PATJ: variants seen among roughly 807,000 people sequenced by gnomAD.
PATJ encodes PATJ crumbs cell polarity complex component.
Under a neutral mutation model 224.9 loss-of-function variants are expected in PATJ, and 190 were observed. The ratio of observed to expected loss-of-function variants is 0.84; its 90% CI spans 0.75 to 0.95. The LOEUF is 0.95. Among genes scored for constraint, PATJ ranks in the 40% least tolerant of loss-of-function variants. PATJ has a pLI of 0.00. For synonymous variants in PATJ, 769 were observed against 820.3 expected (o/e 0.94, Z 1.07); for missense variants, 2,121 against 2,270.3 (o/e 0.93, Z 1.34).
chr1:61,938,107 G>A (rs555470161), intron 27 of PATJ, among the ~76,000 whole-genome samples: 1 of 152,264 alleles, frequency 6.6e-6, no homozygotes, highest in East Asian at 1.9e-4. Flanking sequence ...CCTTTGCATT[G>A]TAGGATGTTT....
At chr1:61,910,653 CT>C (rs1557862755) in intron 25 of PATJ, among the ~76,000 whole-genome samples, 1 of 138,850 alleles carries the variant, frequency 7.2e-6, no homozygotes, top group African/African-American at 2.6e-5. Context: ...CTCAAGCAAT[CT>C]TCCCAGTTCA....
chr1:61,832,071 G>C (rs1183991328), intron 16 of PATJ, among the ~76,000 whole-genome samples: 1 of 152,156 alleles, frequency 6.6e-6, no homozygotes, highest in Non-Finnish European at 1.5e-5. Flanking sequence ...AATTAACACA[G>C]AAACAGAAAA....
At chr1:61,873,490 AAAGATACTT>A (rs1444824107) in intron 20 of PATJ, among the ~76,000 whole-genome samples, 2 of 152,202 alleles carry the variant, frequency 1.3e-5, no homozygotes, top group African/African-American at 4.8e-5. Context: ...TAAAATATAA[AAAGATACTT>A]AAAGTGAAAA....
intron 29 of PATJ, among the ~76,000 whole-genome samples, chr1:62,033,388 G>T (rs551231977): frequency 1.3e-5 from 2 of 152,232 alleles, no homozygotes; most frequent in East Asian, 3.9e-4. Flanking sequence ...ATACAATAAG[G>T]CTCCAGAGAT....
intron 1 of PATJ, among the ~76,000 whole-genome samples, chr1:61,759,316 C>T (rs555030500): frequency 5.3e-5 from 8 of 152,274 alleles, no homozygotes; most frequent in African/African-American, 1.9e-4. Flanking sequence ...TTGGACACCC[C>T]TGTGGCTGAA....
chr1:61,883,018 C>T lies in PATJ; in HGVS notation c.2960-1219C>T, dbSNP rs193014262. ...TGTATAGACAATATATGTGGACATA[C>T]CCACACACATGTCTATATATGATAG... On this transcript the variant is annotated intron_variant, in intron 21 of 43. Transcript: ENST00000642238. 7.9e-5 allele frequency among the ~76,000 whole-genome samples: 12 copies of T among 152,084 alleles called. No individual in the cohort carries two copies. In the East Asian group the frequency reaches 2.3e-3, roughly 29 times the overall value.
intron 27 of PATJ, among the ~76,000 whole-genome samples, chr1:61,963,316 T>C (rs1020788267): frequency 6.6e-6 from 1 of 152,122 alleles, no homozygotes; most frequent in African/African-American, 2.4e-5. Context: ...GAAACCAGCC[T>C]GGGCGTGGTG....
intron 27 of PATJ, among the ~76,000 whole-genome samples, chr1:61,948,382 C>T (rs1182203676): frequency 6.6e-6 from 1 of 152,158 alleles, no homozygotes. Context: ...AATCAAACAA[C>T]CCCATCAAAA....
intron 34 of PATJ, 69 bp downstream of exon 34, chr1:62,108,589 T>A (rs1663408144): frequency 1.1e-6 from 1 of 887,986 alleles, no homozygotes; most frequent in African/African-American, 1.7e-5. Flanking sequence ...TCCATAAAGT[T>A]GTCTTTCTAC....
intron 29 of PATJ, among the ~76,000 whole-genome samples, chr1:62,020,090 AG>A (rs1392220834): frequency 6.6e-6 from 1 of 152,080 alleles, no homozygotes; most frequent in Non-Finnish European, 1.5e-5. Context: ...GCATCGCATG[AG>A]CCCAGGAGGT....
At chr1:62,145,819 A>G (rs7520269) in intron 41 of PATJ, among the ~76,000 whole-genome samples, 115,123 of 151,612 alleles carry the variant, frequency 0.76, 44,323 homozygotes, top group African/African-American at 0.88. Context: ...TTAGCCAGGC[A>G]TGGTGGCATG....
At chr1:61,767,481 G>T (rs1646347332) in intron 4 of PATJ, among the ~76,000 whole-genome samples, 1 of 152,056 alleles carries the variant, frequency 6.6e-6, no homozygotes, top group Non-Finnish European at 1.5e-5. Flanking sequence ...CAAAGCTGTA[G>T]TGAGCTATGA....
At chr1:61,964,967 C>T (rs1295319136) in intron 27 of PATJ, among the ~76,000 whole-genome samples, 2 of 150,970 alleles carry the variant, frequency 1.3e-5, no homozygotes, top group Non-Finnish European at 3.0e-5. Context: ...CAAAAATTAG[C>T]CGGGCGTGGT....
chr1:61,952,332 G>C (rs1679836108), intron 27 of PATJ: 4 of 703,300 alleles, frequency 5.7e-6, no homozygotes, highest in Non-Finnish European at 1.1e-5. Flanking sequence ...GAGGATTTGA[G>C]CTGCGTCCAG....
chr1:61,743,704 T>C (rs1422002847), intron 1 of PATJ, among the ~76,000 whole-genome samples: 2 of 152,000 alleles, frequency 1.3e-5, no homozygotes, highest in Non-Finnish European at 2.9e-5. Context: ...AAATGTTAGG[T>C]GAGATTGAGC....
At chr1:61,975,820 A>C (rs897664379) in intron 27 of PATJ, among the ~76,000 whole-genome samples, 3 of 152,066 alleles carry the variant, frequency 2.0e-5, no homozygotes, top group Non-Finnish European at 4.4e-5. Context: ...GATACCATAC[A>C]TCAGCCCAAA....
chr1:61,845,101 G>T, intron 17 of PATJ, among the ~76,000 whole-genome samples: 1 of 152,112 alleles, frequency 6.6e-6, no homozygotes. Context: ...ATCTGCTGGG[G>T]GTCTTCGAAC....
Position 61,864,553 on chromosome 1 carries a change from T to C in PATJ, c.2755T>C (p.Ser919Pro), listed in dbSNP as rs1257613059. 1.2e-6 allele frequency: 2 copies of C among 1,612,936 alleles called. No homozygotes were observed. The highest frequency in any genetic ancestry group is 3.3e-5 in the Admixed American group (2 of 60,010). The change falls in exon 20 of 44, where the codon TCC becomes CCC. Residue 919 changes from serine (S) to proline (P), a missense_variant. By Grantham distance (74) the Ser-to-Pro change is moderately conservative (BLOSUM62 -1). Transcript: ENST00000642238. ...GTQWLHDNEP[S>P]ESQEARTGRT... is the part of the protein sequence containing the mutation. ...ACAGTGGTTGCATGATAATGAACCA[T>C]CCGAGTCTCAAGAGGCAAGAACCGG...
intron 28 of PATJ, among the ~76,000 whole-genome samples, chr1:62,008,656 G>A (rs1888986): frequency 0.068 from 10,356 of 152,122 alleles, 1,000 homozygotes; most frequent in African/African-American, 0.21. Flanking sequence ...AGCTGAGGTG[G>A]GAGGATTGTT....
Sources: gnomAD v4.1 joint callset for allele counts (sites outside exome capture counted in the v4.1 genomes callset) on GRCh38, gnomAD v4.1.1 for gene constraint, MANE v1.5 for transcripts, NCBI Gene and HGNC (gene_info 2026-07-23, HGNC 2026-07-21) for gene names.